ASH1L: variants seen among roughly 807,000 people sequenced by gnomAD.
ASH1L encodes histone-lysine N-methyltransferase ASH1L.
A neutral mutation model predicts 269.0 loss-of-function variants in ASH1L; 23 were observed. That is an observed-to-expected ratio of 0.09 (90% CI 0.06 to 0.12). The LOEUF is 0.12. Among genes scored for constraint, ASH1L ranks in the 10% least tolerant of loss-of-function variants. The probability of loss-of-function intolerance (pLI) is 1.00; values close to 1 mark genes in which losing one functional copy is unlikely to be tolerated. For synonymous variants in ASH1L, 1,187 were observed against 1,253.5 expected (o/e 0.95, Z 1.12); for missense variants, 2,912 against 3,567.8 (o/e 0.82, Z 4.68).
chr1:155,339,649 T>G lies in ASH1L; in HGVS notation c.8461-281A>C, dbSNP rs547083662. On this transcript the variant is annotated intron_variant, in intron 25 of 27. Coordinates refer to ENST00000392403, the MANE Select transcript of ASH1L (RefSeq NM_018489.3). The stretch of plus-strand genomic sequence containing the variant: ...TGTCGCTTGGGGTCATACGGGGATA[T>G]GTTCTGAGAAATATGTCATCACGTG... Among the ~76,000 whole-genome samples, 6 of 152,332 alleles carry G rather than the reference T, an allele frequency of 3.9e-5. No individual in the cohort carries two copies. The East Asian group carries it at 1.2e-3, about 29-fold the overall frequency.
intron 5 of ASH1L, chr1:155,434,165 C>A: frequency 6.3e-7 from 1 of 1,593,580 alleles, no homozygotes; most frequent in East Asian, 2.3e-5. Context: ...TGGGAGCCCT[C>A]ACTTCACTGC....
In ASH1L at chr1:155,481,453, T is replaced by C; in HGVS notation, c.1417A>G (p.Asn473Asp). Residue 473 changes from asparagine to aspartate, a missense_variant, in exon 3 of 28, where the codon AAT becomes GAT. This residue lies in a region of ASH1L where 715 missense variants were observed against 721.0 expected (regional missense o/e 0.99). Coordinates refer to ENST00000392403, the MANE Select transcript of ASH1L (RefSeq NM_018489.3). ...AACTTTTCCAATATGCTTTCTTTAT[T>C]CTGCCGTACAACATTCTTTTCAAAA... ...KTFEKNVVRQ[N>D]KESILEKFSV... The C allele has an allele frequency of 1.2e-6, 2 of 1,614,144 alleles. No individual in the cohort carries two copies. The highest frequency in any genetic ancestry group is 1.7e-6 in the Non-Finnish European group (2 of 1,180,000).
intron 3 of ASH1L, among the ~76,000 whole-genome samples, chr1:155,472,522 T>C (rs967019241): frequency 4.6e-5 from 7 of 152,148 alleles, no homozygotes; most frequent in Non-Finnish European, 1.0e-4. Context: ...CTCAATTTAC[T>C]CATCCTTTAT....
In ASH1L at chr1:155,415,805, G is replaced by C; in HGVS notation, c.5947C>G (p.Arg1983Gly). ...SLIPREKKPP[R>G]PPKKKYQKAG... ...TTCTGATACTTCTTCTTTGGGGGAC[G>C]TGGGGGCTTCTTTTCCCTTGGGATG... is the stretch of plus-strand genomic sequence containing the variant. Residue 1983 changes from arginine to glycine, a missense_variant, in exon 6 of 28, where the codon CGT becomes GGT. This residue lies in a region of ASH1L where 193 missense variants were observed against 311.6 expected (regional missense o/e 0.62). Coordinates refer to ENST00000392403, the MANE Select transcript of ASH1L (RefSeq NM_018489.3). 6.2e-7 allele frequency: 1 copy of C among 1,614,026 alleles called. No individual in the cohort carries two copies. Among genetic ancestry groups the C allele is most frequent in the South Asian group, 1.1e-5 (1 of 91,078 alleles).
intron 17 of ASH1L, among the ~76,000 whole-genome samples, chr1:155,350,382 G>A (rs1358815957): frequency 6.6e-6 from 1 of 152,072 alleles, no homozygotes; most frequent in Non-Finnish European, 1.5e-5. Flanking sequence ...GTAGATAAAG[G>A]CAGGGATCAA....
At chr1:155,562,905 C>A (rs574769664), upstream of ASH1L, 3 of 454,964 alleles carry the variant, frequency 6.6e-6, no homozygotes, top group African/African-American at 4.0e-5. Flanking sequence ...CCAGCCCCCC[C>A]TACCACCCTC....
rs1366569586 is a variant in ASH1L at position 155,335,442 on chromosome 1, A to G, written c.*2218T>C. 1 of 152,688 alleles carries G rather than the reference A, an allele frequency of 6.5e-6. No homozygotes were observed. Among genetic ancestry groups the G allele is most frequent in the African/African-American group, 2.4e-5 (1 of 41,408 alleles). 9.5% of individuals were successfully genotyped at this position (152,688 alleles called of 1,614,324 possible). On this transcript the variant is annotated 3_prime_UTR_variant, in exon 28 of 28. Transcript: ENST00000392403. ...AAGGAAATATATTAGCAGCATTTATATTTTCCGCAATCACACAGCCTACAG... is the reference window on the plus strand; with the variant it reads ...AAGGAAATATATTAGCAGCATTTATGTTTTCCGCAATCACACAGCCTACAG...
At position 155,395,586 on chromosome 1, in the gene ASH1L, A is replaced by C. The variant is rs2148484272; in HGVS notation, c.6009-33T>G. 4 of 1,548,006 alleles carry C rather than the reference A, an allele frequency of 2.6e-6. No individual in the cohort carries two copies. The East Asian group carries it at 9.1e-5, about 35-fold the overall frequency. On this transcript the variant is annotated intron_variant, in intron 6 of 27. Coordinates refer to ENST00000392403, the MANE Select transcript of ASH1L (RefSeq NM_018489.3). ...AAAAAAAGAATGGGAAACAGTCAAG[A>C]GGCAAAGAAATTTCCTCCTGTGGTC...
intron 3 of ASH1L, among the ~76,000 whole-genome samples, chr1:155,460,633 C>G (rs1170680770): frequency 1.3e-5 from 2 of 152,086 alleles, no homozygotes. Flanking sequence ...AAGCCTCAAA[C>G]CTTAAACCCA....
intron 25 of ASH1L, among the ~76,000 whole-genome samples, 190 bp from the exon 26 acceptor site, chr1:155,339,558 G>A (rs1032185253): frequency 6.6e-6 from 1 of 152,144 alleles, no homozygotes; most frequent in African/African-American, 2.4e-5. Context: ...GTGCTCCCAG[G>A]ATGACAATGG....
At chr1:155,367,058 A>G (rs1185098409) in intron 12 of ASH1L, among the ~76,000 whole-genome samples, 2 of 148,558 alleles carry the variant, frequency 1.3e-5, no homozygotes, top group African/African-American at 5.0e-5. Flanking sequence ...CATTGGTGCA[A>G]TCTCAGTTCA....
chr1:155,360,197 T>C, intron 13 of ASH1L, 104 bp downstream of exon 13: 1 of 786,536 alleles, frequency 1.3e-6, no homozygotes, highest in South Asian at 1.6e-5. Context: ...GCCTCCCACA[T>C]ACTTCTTAAT....
intron 3 of ASH1L, among the ~76,000 whole-genome samples, chr1:155,476,180 T>C (rs1570927312): frequency 6.6e-6 from 1 of 151,692 alleles, no homozygotes; most frequent in South Asian, 2.1e-4. Flanking sequence ...AGGTCAGGAG[T>C]TCGAGACCAT....
At chr1:155,531,925 C>A (rs1193637252) in intron 1 of ASH1L, among the ~76,000 whole-genome samples, 4 of 152,170 alleles carry the variant, frequency 2.6e-5, no homozygotes, top group Non-Finnish European at 5.9e-5. Context: ...GTTTTTTGAA[C>A]TTTCAAAGCA....
In ASH1L at chr1:155,479,247, T is replaced by C; in HGVS notation, c.3623A>G (p.Asn1208Ser). 1 of 1,614,096 alleles carries C rather than the reference T, an allele frequency of 6.2e-7. No homozygotes were observed. Among genetic ancestry groups the C allele is most frequent in the Non-Finnish European group, 8.5e-7 (1 of 1,180,020 alleles). Residue 1208 changes from asparagine to serine, a missense_variant, in exon 3 of 28, where the codon AAC becomes AGC. Asn to Ser is a conservative substitution (Grantham distance 46). Transcript: ENST00000392403. ...TTTCTCTGCCCTGTCTGATGTGCTG[T>C]TATTATCTGTTCCAATTCCACTATC... Reference protein sequence around the residue: ...PSDSGIGTDNNSTSDRAEKFC... With the variant: ...PSDSGIGTDNSSTSDRAEKFC...
chr1:155,540,924 C>T (rs1163336577), intron 1 of ASH1L, among the ~76,000 whole-genome samples: 1 of 152,108 alleles, frequency 6.6e-6, no homozygotes, highest in Non-Finnish European at 1.5e-5. Context: ...AGCATCTTTC[C>T]ATATGACTAC....
At chr1:155,352,581 G>C (rs1654027961) in intron 17 of ASH1L, 125 bp downstream of exon 17, 8 of 961,794 alleles carry the variant, frequency 8.3e-6, no homozygotes, top group East Asian at 3.0e-5. Context: ...TAGACAGAAG[G>C]ATCACTTGAG....
chr1:155,360,445 A>C (rs1193535370), intron 12 of ASH1L, 36 bp from the exon 13 acceptor site: 1 of 1,439,750 alleles, frequency 6.9e-7, no homozygotes, highest in African/African-American at 1.4e-5. Context: ...AAAGGCTGGA[A>C]ATTTTTTTTT....
Position 155,479,179 on chromosome 1 carries a change from A to C in ASH1L, c.3691T>G (p.Ser1231Ala), listed in dbSNP as rs937669808. The C allele has an allele frequency of 6.2e-7, 1 of 1,614,156 alleles. No individual in the cohort carries two copies. The highest frequency in any genetic ancestry group is 1.7e-5 in the Admixed American group (1 of 60,012). Residue 1231 changes from serine to alanine, a missense_variant, in exon 3 of 28, where the codon TCT (serine) becomes GCT (alanine). Around this residue, in one of 13 missense-constraint regions of ASH1L, gnomAD observed 789 missense variants for 897.6 expected, o/e 0.88. Transcript: ENST00000392403. ...KKRRHSFEHV[S>A]LIPPETSTVL... is the part of the protein sequence containing the mutation. ...GTAGAGGTTTCAGGGGGAATCAGAG[A>C]AACATGCTCAAAAGAATGCCTCCTC...
Sources: gnomAD v4.1 joint callset for allele counts (sites outside exome capture counted in the v4.1 genomes callset) on GRCh38, gnomAD v4.1.1 for gene constraint, gnomAD v4.1.1 regional missense constraint, MANE v1.5 for transcripts, NCBI Gene and HGNC (gene_info 2026-07-23, HGNC 2026-07-21) for gene names.